The following RPP14 variants were observed in gnomAD, a reference collection of about 807,000 sequenced individuals.
RPP14 encodes the protein ribonuclease P/MRP subunit p14.
A neutral mutation model predicts 17.8 loss-of-function variants in RPP14; 19 were observed. The ratio of observed to expected loss-of-function variants is 1.07; its 90% CI spans 0.74 to 1.57. RPP14 has a LOEUF of 1.57. Among genes scored for constraint, RPP14 ranks in the 40% most tolerant of loss-of-function variants. The probability of loss-of-function intolerance (pLI) is 0.00; values close to 1 mark genes in which losing one functional copy is unlikely to be tolerated. For synonymous variants in RPP14, 60 were observed against 56.4 expected (o/e 1.06, Z -0.29); for missense variants, 125 against 140.8 (o/e 0.89, Z 0.57).
In RPP14 at chr3:58,318,516, A is replaced by AG. The variant is rs2097490879; in HGVS notation, c.*1021dup. 6.9e-6 allele frequency: 1 copy of AG among 144,176 alleles called. No homozygotes were observed. Among genetic ancestry groups the AG allele is most frequent in the South Asian group, 2.1e-4 (1 of 4,860 alleles). The allele number at this position is 144,176 out of a possible 1,614,324, so 8.9% of individuals were successfully genotyped here. On this transcript the variant is annotated 3_prime_UTR_variant, in exon 6 of 6. Coordinates refer to ENST00000295959, the MANE Select transcript of RPP14 (RefSeq NM_007042.6). Reference sequence around the variant, plus strand: ...CTACCAAAAAAAAAAAAAAAAAAAAAGTGCAACTAGCTGTGCTTGGTGACT... The same window carrying AG: ...CTACCAAAAAAAAAAAAAAAAAAAAAGGTGCAACTAGCTGTGCTTGGTGACT...
At chr3:58,312,786 C>T (rs148902461) in intron 3 of RPP14, among the ~76,000 whole-genome samples, 191 of 151,972 alleles carry the variant, frequency 1.3e-3, no homozygotes, top group African/African-American at 4.1e-3. Flanking sequence ...CGTGGTGAAA[C>T]GCTTTCTCTA....
chr3:58,309,010 G>A (rs984119287), intron 1 of RPP14, among the ~76,000 whole-genome samples: 1 of 152,222 alleles, frequency 6.6e-6, no homozygotes, highest in Non-Finnish European at 1.5e-5. Context: ...GCTGCATTGA[G>A]TGCCCCTTCC....
At chr3:58,313,665 A>G (rs975714778) in intron 3 of RPP14, among the ~76,000 whole-genome samples, 1 of 152,090 alleles carries the variant, frequency 6.6e-6, no homozygotes, top group African/African-American at 2.4e-5. Flanking sequence ...CTACAAAACA[A>G]TTTGAAAAAT....
At chr3:58,315,269 G>A (rs1439634514) in intron 3 of RPP14, among the ~76,000 whole-genome samples, 2 of 151,404 alleles carry the variant, frequency 1.3e-5, no homozygotes, top group African/African-American at 4.9e-5. Flanking sequence ...TATGCTGAGC[G>A]AAAAAAAGCC....
At chr3:58,309,641 C>T (rs769807342) in intron 1 of RPP14, among the ~76,000 whole-genome samples, 24 of 152,182 alleles carry the variant, frequency 1.6e-4, no homozygotes, top group Admixed American at 8.5e-4. Context: ...CCTGTAATAC[C>T]GGCACTCTGG....
chr3:58,316,592 G>A lies in RPP14; in HGVS notation c.239+1G>A. On this transcript the variant is annotated splice_donor_variant, in intron 4 of 5. Transcript: ENST00000295959. LOFTEE classifies it high-confidence loss of function. ...CAGCCATCTTGAGAATATGTAGCAGGTATGACAGAGAGTGGGAAATTTCTA... is the reference window on the plus strand; with the variant it reads ...CAGCCATCTTGAGAATATGTAGCAGATATGACAGAGAGTGGGAAATTTCTA... The A allele has an allele frequency of 6.2e-7, 1 of 1,612,784 alleles. No individual in the cohort carries two copies. The highest frequency in any genetic ancestry group is 8.5e-7 in the Non-Finnish European group (1 of 1,178,860).
Position 58,318,173 on chromosome 3 carries a change from C to T in RPP14, c.*677C>T, listed in dbSNP as rs1462226864. ...AACACCAATGCTGTTGTTAAAGAGC[C>T]TATGGGGAATTGCTGCTCTTTACCA... On this transcript the variant is annotated 3_prime_UTR_variant, in exon 6 of 6. Coordinates refer to ENST00000295959, the MANE Select transcript of RPP14 (RefSeq NM_007042.6). 1.6e-5 allele frequency: 10 copies of T among 606,766 alleles called. No individual in the cohort carries two copies. The highest frequency in any genetic ancestry group is 2.6e-5 in the Non-Finnish European group (9 of 343,176). 37.6% of individuals were successfully genotyped at this position (606,766 alleles called of 1,614,324 possible). A position where few individuals can be genotyped will look rare whatever the true frequency, so the allele number is the denominator to read the frequency against.
At chr3:58,311,620 A>G (rs114599015) in intron 3 of RPP14, among the ~76,000 whole-genome samples, 2,583 of 149,576 alleles carry the variant, frequency 0.017, 72 homozygotes, top group African/African-American at 0.06. Flanking sequence ...TGTAATATAT[A>G]CCACTTTTTT....
intron 1 of RPP14, among the ~76,000 whole-genome samples, chr3:58,308,744 A>C (rs1021851557): frequency 6.6e-6 from 1 of 152,220 alleles, no homozygotes; most frequent in Non-Finnish European, 1.5e-5. Flanking sequence ...ATTGGGCCTC[A>C]GTTTCCTGTT....
chr3:58,313,460 G>A (rs1283632400), intron 3 of RPP14, among the ~76,000 whole-genome samples: 4 of 152,182 alleles, frequency 2.6e-5, no homozygotes, highest in Admixed American at 1.3e-4. Context: ...GATTCATATA[G>A]TCTGTCAAAT....
At position 58,306,265 on chromosome 3, in the gene RPP14, C is replaced by G. The variant is rs1461135504; in HGVS notation, c.-174C>G. 6.6e-6 allele frequency: 1 copy of G among 152,278 alleles called. No homozygotes were observed. Among genetic ancestry groups the G allele is most frequent in the Non-Finnish European group, 1.5e-5 (1 of 68,070 alleles). 9.4% of individuals were successfully genotyped at this position (152,278 alleles called of 1,614,324 possible). ...ACGTCATATCCGCCTGGGCGTCACG[C>G]TTCGTGGGGCGGGACGAGGAGAAGC... On this transcript the variant is annotated 5_prime_UTR_variant, in exon 1 of 6. Coordinates refer to ENST00000295959, the MANE Select transcript of RPP14 (RefSeq NM_007042.6).
At position 58,310,537 on chromosome 3, in the gene RPP14, T is replaced by C; in HGVS notation, c.108T>C (p.Asn36=). Residue 36 remains asparagine (N), a synonymous_variant, in exon 3 of 6, where the codon AAT becomes AAC. Coordinates refer to ENST00000295959, the MANE Select transcript of RPP14 (RefSeq NM_007042.6). The part of the protein sequence containing the change: ...LEFQDCGVGL[N]AAQFKQLLIS... ...TTCAAGATTGTGGAGTTGGACTGAA[T>C]GCTGCACAGTTCAAACAGCTGCTTA... 6.2e-7 allele frequency: 1 copy of C among 1,613,394 alleles called. No individual in the cohort carries two copies. Among genetic ancestry groups the C allele is most frequent in the Non-Finnish European group, 8.5e-7 (1 of 1,179,824 alleles).
chr3:58,312,981 G>C (rs1186287483), intron 3 of RPP14, among the ~76,000 whole-genome samples: 1 of 103,412 alleles, frequency 9.7e-6, no homozygotes, highest in Non-Finnish European at 1.9e-5. Context: ...AAAAAAAAAA[G>C]GGCTGGGCAC....
intron 3 of RPP14, among the ~76,000 whole-genome samples, chr3:58,313,086 A>G (rs2107504839): frequency 6.6e-6 from 1 of 151,700 alleles, no homozygotes; most frequent in East Asian, 1.9e-4. Context: ...ACACGGTGAA[A>G]CCCTGTCTCT....
In RPP14 at chr3:58,319,671, TTA is replaced by T. The variant is rs2097492418; in HGVS notation, c.*2177_*2178del. ...TTGTAAGAAATAAATATTAAGAAGA[TTA>T]TGGAGGCCAAATTCTTAAGACTTTG... is the stretch of plus-strand genomic sequence containing the variant. On this transcript the variant is annotated 3_prime_UTR_variant, in exon 6 of 6. Coordinates refer to ENST00000295959, the MANE Select transcript of RPP14 (RefSeq NM_007042.6). 1 of 151,914 alleles carries T rather than the reference TTA, an allele frequency of 6.6e-6. No homozygotes were observed. The highest frequency in any genetic ancestry group is 1.5e-5 in the Non-Finnish European group (1 of 68,002). 9.4% of individuals were successfully genotyped at this position (151,914 alleles called of 1,614,324 possible).
rs144368271 is a variant in RPP14 at position 58,311,407 on chromosome 3, G to A, written c.162+816G>A. Among the ~76,000 whole-genome samples the A allele has an allele frequency of 5.8e-3, 882 of 152,264 alleles. 5 individuals are homozygous for A. The highest frequency in any genetic ancestry group is 0.01 in the Non-Finnish European group (687 of 68,018). ...TGACCTCAGGTGATCCACGCGCCTTGGGCTCCCAAAGTGCTGGATTACAGG... is the reference window on the plus strand; with the variant it reads ...TGACCTCAGGTGATCCACGCGCCTTAGGCTCCCAAAGTGCTGGATTACAGG... On this transcript the variant is annotated intron_variant, in intron 3 of 5. Transcript: ENST00000295959.
Position 58,310,228 on chromosome 3 carries a change from C to A in RPP14, c.-21-81C>A, listed in dbSNP as rs547921967. ...CCTTAAAACAAACAAACAAAAAAAA[C>A]CCAAATAGGCCAAATTCTCATCAAA... On this transcript the variant is annotated intron_variant, in intron 1 of 5. Coordinates refer to ENST00000295959, the MANE Select transcript of RPP14 (RefSeq NM_007042.6). The A allele has an allele frequency of 1.5e-4, 167 of 1,135,276 alleles. 1 individual carries two copies. The South Asian group carries it at 2.0e-3, about 14-fold the overall frequency. The allele number at this position is 1,135,276 out of a possible 1,614,324, so 70.3% of individuals were successfully genotyped here. A position where few individuals can be genotyped will look rare whatever the true frequency, so the allele number is the denominator to read the frequency against.
intron 5 of RPP14, among the ~76,000 whole-genome samples, chr3:58,317,224 A>G (rs751005650): frequency 1.3e-5 from 2 of 152,240 alleles, no homozygotes; most frequent in Non-Finnish European, 2.9e-5. Flanking sequence ...GTTAAGGCTT[A>G]CTTTTTTTAT....
chr3:58,317,336 C>T (rs1224111866), intron 5 of RPP14, 104 bp from the exon 6 acceptor site: 1 of 740,144 alleles, frequency 1.4e-6, no homozygotes, highest in South Asian at 1.8e-5. Flanking sequence ...TAAAATGCTC[C>T]TGCATCAGCT....
Sources: allele counts gnomAD v4.1 joint callset (sites outside exome capture counted in the v4.1 genomes callset), GRCh38; gene constraint gnomAD v4.1.1; transcripts MANE v1.5; gene names NCBI Gene and HGNC (gene_info 2026-07-23, HGNC 2026-07-21).